Variants in STK4 observed in about 807,000 individuals in gnomAD.
The protein encoded by STK4 is serine/threonine kinase 4, also known as serine/threonine-protein kinase 4.
Under a neutral mutation model 64.9 loss-of-function variants are expected in STK4, and 30 were observed. That is an observed-to-expected ratio of 0.46 (90% CI 0.35 to 0.63). The LOEUF (loss-of-function observed/expected upper bound fraction) is 0.63. Among genes scored for constraint, STK4 ranks in the 20% least tolerant of loss-of-function variants. The pLI, the probability that STK4 is intolerant of heterozygous loss-of-function variation, is 0.01. For missense variants in STK4, 466 were observed against 598.5 expected (o/e 0.78, Z 2.31); for synonymous variants, 177 against 199.0 (o/e 0.89, Z 0.93).
At chr20:45,032,575 A>T (rs2068463256) in intron 10 of STK4, among the ~76,000 whole-genome samples, 1 of 152,158 alleles carries the variant, frequency 6.6e-6, no homozygotes, top group South Asian at 2.1e-4. Context: ...CCTCCAGCTC[A>T]TCCATGTTGC....
At chr20:45,054,867 A>C (rs1978337525) in intron 10 of STK4, among the ~76,000 whole-genome samples, 1 of 152,196 alleles carries the variant, frequency 6.6e-6, no homozygotes, top group Admixed American at 6.5e-5. Flanking sequence ...TCCTGTAATC[A>C]CTGTCCAACA....
intron 7 of STK4, among the ~76,000 whole-genome samples, chr20:44,999,655 C>A (rs2067799699): frequency 1.3e-5 from 2 of 152,088 alleles, no homozygotes; most frequent in African/African-American, 4.8e-5. Context: ...CAGCAATACC[C>A]CTTTGTTTCA....
chr20:45,045,834 T>C (rs2068685529), intron 10 of STK4, among the ~76,000 whole-genome samples: 1 of 151,758 alleles, frequency 6.6e-6, no homozygotes, highest in Non-Finnish European at 1.5e-5. Context: ...TGAGAAGGAG[T>C]CTCGCTCTGT....
intron 2 of STK4, among the ~76,000 whole-genome samples, chr20:44,977,377 A>G (rs973353963): frequency 2.6e-5 from 4 of 152,078 alleles, no homozygotes; most frequent in Admixed American, 2.6e-4. Flanking sequence ...TGGCACTGCT[A>G]TTTTGATTTT....
intron 9 of STK4, among the ~76,000 whole-genome samples, chr20:45,001,668 TTGA>T (rs1363077778): frequency 6.6e-6 from 1 of 152,242 alleles, no homozygotes; most frequent in Non-Finnish European, 1.5e-5. Context: ...CATGCATTGT[TTGA>T]TGCATAATTC....
intron 10 of STK4, among the ~76,000 whole-genome samples, chr20:45,034,988 G>A (rs1035198024): frequency 6.6e-6 from 1 of 151,836 alleles, no homozygotes; most frequent in Non-Finnish European, 1.5e-5. Flanking sequence ...GTATGTATAT[G>A]TGTGTGTGTA....
intron 2 of STK4, among the ~76,000 whole-genome samples, 173 bp from the exon 3 acceptor site, chr20:44,978,270 T>C (rs891259769): frequency 6.6e-6 from 1 of 152,228 alleles, no homozygotes; most frequent in African/African-American, 2.4e-5. Flanking sequence ...TTTGTTGTAG[T>C]TCTCTTGACA....
chr20:45,075,116 C>G lies in STK4; in HGVS notation c.1404C>G (p.Ser468=). 3 of 1,614,170 alleles carry G rather than the reference C, an allele frequency of 1.9e-6. No individual in the cohort carries two copies. Among genetic ancestry groups the G allele is most frequent in the South Asian group, 2.2e-5 (2 of 91,084 alleles). The change falls in exon 11 of 11, where the codon TCC becomes TCG. Residue 468 remains serine (S), a synonymous_variant. Transcript: ENST00000372806. ...EIEEIRQKYQ[S]KRQPILDAIE... is the part of the protein sequence containing the mutation. Reference sequence around the variant, plus strand: ...AAGAGATCCGGCAGAAGTACCAGTCCAAGCGGCAGCCCATCCTGGATGCCA... The same window carrying G: ...AAGAGATCCGGCAGAAGTACCAGTCGAAGCGGCAGCCCATCCTGGATGCCA...
Position 44,966,585 on chromosome 20 carries a change from T to A in STK4, c.17T>A (p.Leu6Gln). 7.9e-7 allele frequency: 1 copy of A among 1,273,176 alleles called. No individual in the cohort carries two copies. The highest frequency in any genetic ancestry group is 1.0e-6 in the Non-Finnish European group (1 of 1,001,496). The allele number at this position is 1,273,176 out of a possible 1,614,324, so 78.9% of individuals were successfully genotyped here. A position where few individuals can be genotyped will look rare whatever the true frequency, so the allele number is the denominator to read the frequency against. Residue 6 changes from leucine (L) to glutamine (Q), a missense_variant, in exon 1 of 11, where the codon CTG becomes CAG. Leu to Gln is a moderately radical substitution (Grantham distance 113). Transcript: ENST00000372806. METVQLRNPPRRQLKK... is the reference protein window; with the variant it reads METVQQRNPPRRQLKK... Reference sequence around the variant, plus strand: ...GGCAGCGCCATGGAGACGGTACAGCTGAGGAACCCGCCGCGCCGGTGAGGG... The same window carrying A: ...GGCAGCGCCATGGAGACGGTACAGCAGAGGAACCCGCCGCGCCGGTGAGGG...
At chr20:45,009,739 C>T (rs1386526567) in intron 9 of STK4, among the ~76,000 whole-genome samples, 1 of 152,034 alleles carries the variant, frequency 6.6e-6, no homozygotes, top group Non-Finnish European at 1.5e-5. Context: ...TCCTAGAGAT[C>T]CTTCACTTCC....
At chr20:44,982,589 G>C (rs16989579) in intron 4 of STK4, among the ~76,000 whole-genome samples, 1 of 152,012 alleles carries the variant, frequency 6.6e-6, no homozygotes, top group African/African-American at 2.4e-5. Flanking sequence ...TCTACCTAGC[G>C]TGTTCACAAA....
At chr20:45,021,400 G>A (rs530835123) in intron 9 of STK4, among the ~76,000 whole-genome samples, 1 of 152,192 alleles carries the variant, frequency 6.6e-6, no homozygotes, top group South Asian at 2.1e-4. Flanking sequence ...TAGGAATACT[G>A]CTGTCTTCTT....
At chr20:44,978,659 T>G in intron 3 of STK4, 88 bp downstream of exon 3, 4 of 1,383,996 alleles carry the variant, frequency 2.9e-6, no homozygotes, top group Non-Finnish European at 3.8e-6. Context: ...ACACATTTAC[T>G]TAGATATTTT....
Position 45,079,389 on chromosome 20 carries a change from G to A in STK4, c.*4213G>A, listed in dbSNP as rs1980754259. 1 of 152,214 alleles carries A rather than the reference G, an allele frequency of 6.6e-6. No individual in the cohort carries two copies. The highest frequency in any genetic ancestry group is 1.5e-5 in the Non-Finnish European group (1 of 68,038). 9.4% of individuals were successfully genotyped at this position (152,214 alleles called of 1,614,324 possible). ...TAGAATATGGCAGAGCCATGATTCA[G>A]ATCCAGGTCTTCTGATTCTTATTCC... is the stretch of plus-strand genomic sequence containing the variant. On this transcript the variant is annotated 3_prime_UTR_variant, in exon 11 of 11. Transcript: ENST00000372806.
intron 9 of STK4, among the ~76,000 whole-genome samples, chr20:45,004,976 TTGGTCAGGC>T (rs2067911560): frequency 6.6e-6 from 1 of 151,868 alleles, no homozygotes; most frequent in Non-Finnish European, 1.5e-5. Context: ...TTTCACTATG[TTGGTCAGGC>T]TGGTCTCAAA....
chr20:45,072,214 G>A (rs926271278), intron 10 of STK4, among the ~76,000 whole-genome samples: 5 of 152,134 alleles, frequency 3.3e-5, no homozygotes, highest in Non-Finnish European at 4.4e-5. Context: ...CATTGAGTCT[G>A]GAAAGACTTC....
At chr20:45,006,888 C>T (rs2067956190) in intron 9 of STK4, among the ~76,000 whole-genome samples, 2 of 152,132 alleles carry the variant, frequency 1.3e-5, no homozygotes, top group African/African-American at 2.4e-5. Context: ...TTGCCTTCTG[C>T]CTTATCCTGA....
At chr20:44,993,478 C>A (rs2067672746) in intron 5 of STK4, among the ~76,000 whole-genome samples, 1 of 152,148 alleles carries the variant, frequency 6.6e-6, no homozygotes, top group Non-Finnish European at 1.5e-5. Context: ...TTTGAAAACA[C>A]CCTTGCAAAT....
rs1158409958 is a variant in STK4 at position 45,001,154 on chromosome 20, T to C, written c.961-13T>C. 6.3e-7 allele frequency: 1 copy of C among 1,598,836 alleles called. No homozygotes were observed. Among genetic ancestry groups the C allele is most frequent in the South Asian group, 1.1e-5 (1 of 90,182 alleles). On this transcript the variant is annotated splice_polypyrimidine_tract_variant and intron_variant, in intron 8 of 10. Coordinates refer to ENST00000372806, the MANE Select transcript of STK4 (RefSeq NM_006282.5). ...TCAAATTAGCCCCAATTTGAGATTGTATCCTTTTACAGGAAGAGGATGAAA... is the reference window on the plus strand; with the variant it reads ...TCAAATTAGCCCCAATTTGAGATTGCATCCTTTTACAGGAAGAGGATGAAA...
Sources: allele counts gnomAD v4.1 joint callset (sites outside exome capture counted in the v4.1 genomes callset), GRCh38; gene constraint gnomAD v4.1.1; transcripts MANE v1.5; gene names NCBI Gene and HGNC (gene_info 2026-07-23, HGNC 2026-07-21).